The following PCDHGB1 variants were observed in gnomAD, a reference collection of about 807,000 sequenced individuals.
PCDHGB1 encodes the protein protocadherin gamma-B1.
PCDHGB1 carries 34 observed loss-of-function variants against 56.6 expected under a neutral mutation model. The ratio of observed to expected loss-of-function variants is 0.60; its 90% confidence interval spans 0.46 to 0.80. The LOEUF (loss-of-function observed/expected upper bound fraction) is 0.80. Among genes scored for constraint, PCDHGB1 ranks in the 30% least tolerant of loss-of-function variants. PCDHGB1 has a pLI of 0.00. For missense variants in PCDHGB1, 1,278 were observed against 1,204.6 expected (o/e 1.06, Z -0.90); for synonymous variants, 561 against 505.9 (o/e 1.11, Z -1.46).
At chr5:141,414,090 A>C (rs2095707874) in intron 1 of PCDHGB1, 4 of 1,598,352 alleles carry the variant, frequency 2.5e-6, no homozygotes, top group Non-Finnish European at 3.4e-6. Context: ...CTGGAGAAAT[A>C]AAAATATCAG....
At chr5:141,383,674 A>T in intron 1 of PCDHGB1, 1 of 1,614,034 alleles carries the variant, frequency 6.2e-7, no homozygotes, top group Non-Finnish European at 8.5e-7. Context: ...GCCAGTGGGT[A>T]CAAGACTGCT....
At chr5:141,446,697 C>T (rs1254994356) in intron 1 of PCDHGB1, among the ~76,000 whole-genome samples, 9 of 152,134 alleles carry the variant, frequency 5.9e-5, no homozygotes, top group Admixed American at 5.9e-4. Context: ...AGGCTGGTCT[C>T]GAACTCTGAT....
chr5:141,360,228 C>T, intron 1 of PCDHGB1: 1 of 1,613,842 alleles, frequency 6.2e-7, no homozygotes, highest in African/African-American at 1.3e-5. Context: ...CTCTCCCAGT[C>T]CAGATCCGCT....
intron 1 of PCDHGB1, chr5:141,419,497 G>T (rs1357823931): frequency 9.9e-6 from 16 of 1,612,390 alleles, no homozygotes; most frequent in Non-Finnish European, 1.4e-5. Context: ...GCGCCAATGT[G>T]AGCCTGCGCG....
At position 141,351,761 on chromosome 5, in the gene PCDHGB1, G is replaced by A. The variant is rs749923347; in HGVS notation, c.1501G>A (p.Val501Met). 2.3e-5 allele frequency: 37 copies of A among 1,613,456 alleles called. No individual in the cohort carries two copies. The highest frequency in any genetic ancestry group is 2.5e-5 in the Non-Finnish European group (29 of 1,179,908). ...GGAGCCGCGGGAGCTGTTGTCCTAC[G>A]TGTCCGTGAGCCCGCAGAGCGGGGT... ...DLEPRELLSY[V>M]SVSPQSGVVF... Residue 501 changes from valine to methionine, a missense_variant, in exon 1 of 4, where the codon GTG becomes ATG. Transcript: ENST00000523390.
Position 141,489,068 on chromosome 5 carries a change from G to GC in PCDHGB1, c.2410-5736dup. ...CTCAAATTCAGCTCCCCTCCCCCCT[G>GC]CCCACCCCCGCCACTCGGTGACTAA... On this transcript the variant is annotated intron_variant, in intron 1 of 3. Transcript: ENST00000523390. The surrounding 1 kb of genome is among the most constrained non-coding windows in gnomAD (Gnocchi z 4.5). 3 of 291,558 alleles carry GC rather than the reference G, an allele frequency of 1.0e-5. No homozygotes were observed. Among genetic ancestry groups the GC allele is most frequent in the Admixed American group, 5.4e-5 (1 of 18,530 alleles). 18.1% of individuals were successfully genotyped at this position (291,558 alleles called of 1,614,324 possible).
At chr5:141,399,129 A>G (rs1280077247) in intron 1 of PCDHGB1, 2 of 1,613,848 alleles carry the variant, frequency 1.2e-6, no homozygotes, top group Non-Finnish European at 8.5e-7. Context: ...TTAATATTCA[A>G]GATGAAAATG....
intron 1 of PCDHGB1, chr5:141,374,413 C>A (rs773364230): frequency 3.1e-6 from 5 of 1,613,972 alleles, no homozygotes; most frequent in Non-Finnish European, 3.4e-6. Flanking sequence ...ACATCCTTGT[C>A]GAGGATAAAC....
rs766387243 is a variant in PCDHGB1 at position 141,489,017 on chromosome 5, TCTC to T, written c.2410-5782_2410-5780del. The stretch of plus-strand genomic sequence containing the variant: ...GGGAGATCTGCTCTTCCAGCCCGCC[TCTC>T]CTCCTCCAGCTCCCCAGCTCCACTC... On this transcript the variant is annotated intron_variant, in intron 1 of 3. Transcript: ENST00000523390. This position sits in a 1 kb window ranked among gnomAD's most constrained non-coding sequence, Gnocchi z 4.5. 2 of 435,354 alleles carry T rather than the reference TCTC, an allele frequency of 4.6e-6. No individual in the cohort carries two copies. Among genetic ancestry groups the T allele is most frequent in the Non-Finnish European group, 8.1e-6 (2 of 247,876 alleles). The allele number at this position is 435,354 out of a possible 1,614,324, so 27.0% of individuals were successfully genotyped here. A position where few individuals can be genotyped will look rare whatever the true frequency, so the allele number is the denominator to read the frequency against.
intron 1 of PCDHGB1, chr5:141,410,459 A>C (rs2095396770): frequency 6.2e-7 from 1 of 1,613,864 alleles, no homozygotes; most frequent in Admixed American, 1.7e-5. Context: ...TTATTCTTAT[A>C]ATCTGTGCAT....
chr5:141,485,511 C>G lies in PCDHGB1; in HGVS notation c.2410-9296C>G, dbSNP rs1168331122. The G allele has an allele frequency of 1.2e-6, 2 of 1,614,042 alleles. No individual in the cohort carries two copies. Among genetic ancestry groups the G allele is most frequent in the Non-Finnish European group, 1.7e-6 (2 of 1,180,038 alleles). On this transcript the variant is annotated intron_variant, in intron 1 of 3. Transcript: ENST00000523390. The surrounding 1 kb of genome is among the most constrained non-coding windows in gnomAD (Gnocchi z 5.7). Reference sequence around the variant, plus strand: ...CCCCTGGAGTTTGTCACCGAAGGTCCTTTGGAAATGTACCGAGCAGAGGTA... The same window carrying G: ...CCCCTGGAGTTTGTCACCGAAGGTCGTTTGGAAATGTACCGAGCAGAGGTA...
intron 1 of PCDHGB1, among the ~76,000 whole-genome samples, chr5:141,468,041 T>C (rs972340736): frequency 4.6e-5 from 7 of 152,120 alleles, no homozygotes; most frequent in Admixed American, 3.9e-4. Flanking sequence ...TTTAGAAAAC[T>C]AAGCCGGGCA....
intron 1 of PCDHGB1, chr5:141,389,469 A>G: frequency 6.2e-7 from 1 of 1,613,246 alleles, no homozygotes; most frequent in Non-Finnish European, 8.5e-7. Flanking sequence ...CTTCGAACTC[A>G]CACTGCAGGC....
chr5:141,491,802 G>A lies in PCDHGB1; in HGVS notation c.2410-3005G>A. 6.7e-7 allele frequency: 1 copy of A among 1,497,480 alleles called. No homozygotes were observed. Among genetic ancestry groups the A allele is most frequent in the East Asian group, 2.5e-5 (1 of 40,518 alleles). The allele number at this position is 1,497,480 out of a possible 1,614,324, so 92.8% of individuals were successfully genotyped here. ...ACTTGCATCCACTCCTCTCCGGCCG[G>A]CTTGGTCGCTGGCTGCGCTCCACCC... On this transcript the variant is annotated intron_variant, in intron 1 of 3. Coordinates refer to ENST00000523390, the MANE Select transcript of PCDHGB1 (RefSeq NM_018922.3). The surrounding 1 kb of genome is among the most constrained non-coding windows in gnomAD (Gnocchi z 6.9).
chr5:141,371,686 C>T (rs377384867), intron 1 of PCDHGB1: 11 of 1,614,026 alleles, frequency 6.8e-6, no homozygotes, highest in Non-Finnish European at 9.3e-6. Flanking sequence ...GGCAATCCAC[C>T]GCTCTCCTCC....
At chr5:141,375,942 G>T in intron 1 of PCDHGB1, 4 of 1,613,518 alleles carry the variant, frequency 2.5e-6, no homozygotes, top group Non-Finnish European at 2.5e-6. Flanking sequence ...TTCTCAGTGG[G>T]CCTGCACACG....
chr5:141,408,634 A>C, intron 1 of PCDHGB1: 2 of 1,614,040 alleles, frequency 1.2e-6, no homozygotes, highest in South Asian at 2.2e-5. Flanking sequence ...AAATTTTCGA[A>C]TCTGCATCCG....
chr5:141,497,111 G>A (rs899232924), intron 2 of PCDHGB1, among the ~76,000 whole-genome samples: 16 of 152,010 alleles, frequency 1.1e-4, no homozygotes, highest in Non-Finnish European at 1.2e-4. Context: ...GCTTGAACCC[G>A]GAAGGCAGAG....
At chr5:141,409,096 A>T (rs968537361) in intron 1 of PCDHGB1, 8 of 1,613,956 alleles carry the variant, frequency 5.0e-6, no homozygotes, top group African/African-American at 1.3e-5. Flanking sequence ...ATGAGAAAAC[A>T]GGTATGATTA....
Sources: gnomAD v4.1 joint callset for allele counts (sites outside exome capture counted in the v4.1 genomes callset) on GRCh38, gnomAD v4.1.1 for gene constraint, Gnocchi (gnomAD v3.1) non-coding constraint, MANE v1.5 for transcripts, NCBI Gene and HGNC (gene_info 2026-07-23, HGNC 2026-07-21) for gene names.